Variants in NUP160 observed in about 807,000 individuals in gnomAD.
NUP160 encodes nuclear pore complex protein Nup160.
In NUP160, 94 loss-of-function variants were observed where a neutral mutation model predicts 196.9. The observed-to-expected ratio is 0.48, with a 90% CI of 0.40 to 0.57. The LOEUF (loss-of-function observed/expected upper bound fraction) is 0.57, where lower values mean the gene tolerates loss of function less well. NUP160 is among the 20% of genes least tolerant of loss of function. NUP160 has a pLI of 0.00. For missense variants in NUP160, 1,638 were observed against 1,748.3 expected, an observed-to-expected ratio of 0.94 and a Z score of 1.13; for synonymous variants, 605 against 619.7, an observed-to-expected ratio of 0.98 and a Z score of 0.35.
At chr11:47,819,150 C>T (rs565464634) in intron 10 of NUP160, among the ~76,000 whole-genome samples, 1 of 151,840 alleles carries the variant, frequency 6.6e-6, no homozygotes, top group South Asian at 2.1e-4. Context: ...CCCGTCTCTA[C>T]AAAAGTACAA....
chr11:47,792,692 G>T, intron 28 of NUP160, 94 bp downstream of exon 28: 1 of 1,188,802 alleles, frequency 8.4e-7, no homozygotes, highest in Non-Finnish European at 1.2e-6. Context: ...ATCAAAAGAA[G>T]CAAAATGACA....
In NUP160 at chr11:47,780,323, T is replaced by C; in HGVS notation, c.4221+20A>G. ...AGTGCAGGGGCTTACACAAGACGTC[T>C]CATGAAAGGGCTGACTTACTGCGAT... On this transcript the variant is annotated intron_variant, in intron 35 of 35. Transcript: ENST00000378460. 1 of 1,540,722 alleles carries C rather than the reference T, an allele frequency of 6.5e-7. No homozygotes were observed. The highest frequency in any genetic ancestry group is 9.0e-7 in the Non-Finnish European group (1 of 1,113,344).
chr11:47,788,945 C>T (rs761250080), intron 29 of NUP160, among the ~76,000 whole-genome samples: 19 of 151,432 alleles, frequency 1.3e-4, no homozygotes, highest in Non-Finnish European at 2.5e-4. Flanking sequence ...GGCATGATCT[C>T]GGCTCACTGC....
chr11:47,847,760 C>T (rs772371367), intron 2 of NUP160, 88 bp downstream of exon 2: 9 of 839,126 alleles, frequency 1.1e-5, no homozygotes, highest in Non-Finnish European at 1.9e-5. Context: ...TCAATTACCG[C>T]TTCTAGAATA....
intron 19 of NUP160, among the ~76,000 whole-genome samples, chr11:47,806,790 TACACACACACAC>T (rs57141346): frequency 0.049 from 5,526 of 111,668 alleles, 166 homozygotes; most frequent in East Asian, 0.09. Context: ...AAAGCAGCTA[TACACACACACAC>T]ACACACACAC....
intron 35 of NUP160, 50 bp downstream of exon 35, chr11:47,780,293 C>T (rs909665290): frequency 8.2e-7 from 1 of 1,221,384 alleles, no homozygotes; most frequent in East Asian, 2.3e-5. Flanking sequence ...TAAGGTGTAA[C>T]TGCTAGTGCA....
chr11:47,834,663 T>C (rs558580375), intron 7 of NUP160, among the ~76,000 whole-genome samples: 4 of 151,998 alleles, frequency 2.6e-5, no homozygotes, highest in South Asian at 4.2e-4. Context: ...TCTGAACAGG[T>C]TGAAGAGAAC....
chr11:47,801,648 C>A (rs1309386994), intron 23 of NUP160, among the ~76,000 whole-genome samples, 163 bp downstream of exon 23: 1 of 152,110 alleles, frequency 6.6e-6, no homozygotes, highest in Non-Finnish European at 1.5e-5. Flanking sequence ...CCGTGCCCGG[C>A]CATGTTTCTT....
At chr11:47,825,289 C>CT (rs951985017) in intron 7 of NUP160, among the ~76,000 whole-genome samples, 81 of 145,656 alleles carry the variant, frequency 5.6e-4, no homozygotes, top group African/African-American at 1.1e-3. Flanking sequence ...TTTTAAATAA[C>CT]TTTTTTTTTT....
rs1852186419 is a variant in NUP160, at chr11:47,836,884, T to C, written c.942+3A>G. 2 of 1,535,354 alleles carry C rather than the reference T, an allele frequency of 1.3e-6. No individual in the cohort carries two copies. Among genetic ancestry groups the C allele is most frequent in the Admixed American group, 3.4e-5 (2 of 59,536 alleles). ...TTACAGCAACTATAAATGTAGCACT[T>C]ACCTTGTAAGACCACATTCGTAGTT... is the stretch of plus-strand genomic sequence containing the variant. On this transcript the variant is annotated splice_donor_region_variant and intron_variant, in intron 6 of 35. Transcript: ENST00000378460.
rs572481126 is a variant in NUP160, at chr11:47,811,835, G to A, written c.2241+229C>T. ...CTTTCTGATGTTCTCCCTCCCCACCGTCCCCTCCATATATGCTCTTAATCT... is the reference window on the plus strand; with the variant it reads ...CTTTCTGATGTTCTCCCTCCCCACCATCCCCTCCATATATGCTCTTAATCT... On this transcript the variant is annotated intron_variant, in intron 17 of 35. Coordinates refer to ENST00000378460, the Ensembl canonical transcript of NUP160. 1.3e-3 allele frequency among the ~76,000 whole-genome samples: 194 copies of A among 152,050 alleles called. 1 individual carries two copies. Among genetic ancestry groups the A allele is most frequent in the Admixed American group, 4.0e-3 (61 of 15,242 alleles).
chr11:47,782,398 T>C (rs2097661952), intron 34 of NUP160, among the ~76,000 whole-genome samples: 1 of 143,628 alleles, frequency 7.0e-6, no homozygotes, highest in African/African-American at 2.6e-5. Context: ...TGGGTTTGTT[T>C]TCCAATAAAC....
intron 7 of NUP160, among the ~76,000 whole-genome samples, chr11:47,824,364 G>A (rs1851925376): frequency 6.6e-6 from 1 of 151,892 alleles, no homozygotes; most frequent in Non-Finnish European, 1.5e-5. Flanking sequence ...TCAGCACTTT[G>A]GGAGGCCGAG....
chr11:47,816,588 A>T lies in NUP160; in HGVS notation c.1432-559T>A, dbSNP rs900073005. Among the ~76,000 whole-genome samples, 91 of 152,242 alleles carry T rather than the reference A, an allele frequency of 6.0e-4. 1 individual carries two copies. The highest frequency in any genetic ancestry group is 2.0e-3 in the African/African-American group (85 of 41,562). ...CCAGGAGTTCGAGACAAGCTTGGCC[A>T]ATATGGCAAAACCTTGTCTCTACTA... is the stretch of plus-strand genomic sequence containing the variant. On this transcript the variant is annotated intron_variant, in intron 11 of 35. Transcript: ENST00000378460.
chr11:47,803,951 C>T (rs537136164), intron 21 of NUP160, among the ~76,000 whole-genome samples: 2 of 152,068 alleles, frequency 1.3e-5, no homozygotes, highest in African/African-American at 2.4e-5. Flanking sequence ...TCTGGGGAGA[C>T]GGGTGGATCA....
chr11:47,813,834 G>A (rs1404121684), intron 13 of NUP160, among the ~76,000 whole-genome samples: 1 of 151,802 alleles, frequency 6.6e-6, no homozygotes, highest in Non-Finnish European at 1.5e-5. Flanking sequence ...CACTTTGGGA[G>A]GCTGAAGTGG....
chr11:47,846,683 T>A (rs1200755023), intron 2 of NUP160, among the ~76,000 whole-genome samples: 1 of 152,066 alleles, frequency 6.6e-6, no homozygotes, highest in East Asian at 1.9e-4. Flanking sequence ...AAAAGCAAAA[T>A]TTTTTTTGTA....
intron 11 of NUP160, among the ~76,000 whole-genome samples, chr11:47,816,826 T>C (rs940994371): frequency 1.3e-5 from 2 of 151,342 alleles, no homozygotes; most frequent in East Asian, 1.9e-4. Flanking sequence ...GTTGTTTTAA[T>C]AGAGATGGGA....
At chr11:47,786,425 T>C (rs768912398) in intron 32 of NUP160, 28 bp downstream of exon 32, 2 of 1,421,980 alleles carry the variant, frequency 1.4e-6, no homozygotes, top group South Asian at 2.3e-5. Flanking sequence ...AAGGCAAAAC[T>C]ACCCAGGGTT....
Sources: gnomAD v4.1 joint callset for allele counts (sites outside exome capture counted in the v4.1 genomes callset) on GRCh38, gnomAD v4.1.1 for gene constraint, MANE v1.5 for transcripts, NCBI Gene and HGNC (gene_info 2026-07-23, HGNC 2026-07-21) for gene names.